Variants in CTNNA3 observed in about 807,000 individuals in gnomAD.
The protein encoded by CTNNA3 is catenin alpha 3.
In CTNNA3, 76 loss-of-function variants were observed where a neutral mutation model predicts 95.7. That is an observed-to-expected ratio of 0.79 (90% CI 0.66 to 0.96). The LOEUF (loss-of-function observed/expected upper bound fraction) is 0.96. CTNNA3 is among the 40% of genes least tolerant of loss of function. CTNNA3 has a pLI of 0.00. For synonymous variants in CTNNA3, 431 were observed against 374.4 expected (o/e 1.15, Z -1.74); for missense variants, 1,191 against 1,089.8 (o/e 1.09, Z -1.31).
At chr10:67,073,257 A>G (rs1026248005) in intron 7 of CTNNA3, among the ~76,000 whole-genome samples, 1 of 152,234 alleles carries the variant, frequency 6.6e-6, no homozygotes, top group Non-Finnish European at 1.5e-5. Context: ...ACATTTTAAT[A>G]GCTCTGATTA....
chr10:66,009,444 A>G (rs2078962785), intron 15 of CTNNA3, among the ~76,000 whole-genome samples: 2 of 152,216 alleles, frequency 1.3e-5, no homozygotes, highest in Admixed American at 6.5e-5. Context: ...CTTGTCTGGG[A>G]TATACACTAA....
intron 7 of CTNNA3, among the ~76,000 whole-genome samples, chr10:67,172,744 C>T (rs1378363793): frequency 6.6e-6 from 1 of 152,044 alleles, no homozygotes; most frequent in African/African-American, 2.4e-5. Context: ...GAGGCCGAGG[C>T]AGGCAGATCA....
intron 7 of CTNNA3, among the ~76,000 whole-genome samples, chr10:66,785,714 T>A (rs1233062101): frequency 6.6e-6 from 1 of 152,164 alleles, no homozygotes; most frequent in Non-Finnish European, 1.5e-5. Context: ...TCATGATACT[T>A]CCTCACCTTT....
In CTNNA3 at chr10:65,987,931, G is replaced by T. The variant is rs6480122; in HGVS notation, c.2265+761C>A. ...ACATTATGTTAAGTGAAATAAGTCA[G>T]GTACAGAAAGACAAGTACCACATAT... On this transcript the variant is annotated intron_variant, in intron 16 of 17. Transcript: ENST00000433211. Among the ~76,000 whole-genome samples the T allele has an allele frequency of 1.9e-4, 29 of 152,004 alleles. No homozygotes were observed. The East Asian group carries it at 4.1e-3, about 21-fold the overall frequency.
intron 11 of CTNNA3, among the ~76,000 whole-genome samples, chr10:66,415,163 G>C (rs981808486): frequency 1.3e-5 from 2 of 152,138 alleles, no homozygotes; most frequent in Non-Finnish European, 2.9e-5. Flanking sequence ...GCCAGTGCCT[G>C]TACATGCCAT....
intron 13 of CTNNA3, among the ~76,000 whole-genome samples, chr10:66,178,602 G>T (rs2085869789): frequency 6.6e-6 from 1 of 151,000 alleles, no homozygotes; most frequent in Non-Finnish European, 1.5e-5. Flanking sequence ...ACTCTGTGAA[G>T]AACTCTGTTA....
At chr10:67,115,091 G>C (rs569508285) in intron 7 of CTNNA3, among the ~76,000 whole-genome samples, 2 of 151,952 alleles carry the variant, frequency 1.3e-5, no homozygotes, top group Non-Finnish European at 2.9e-5. Context: ...AGCCACTTTG[G>C]TCCCTACACA....
intron 13 of CTNNA3, among the ~76,000 whole-genome samples, chr10:66,205,195 T>C (rs753096958): frequency 1.3e-5 from 2 of 152,104 alleles, no homozygotes; most frequent in Non-Finnish European, 2.9e-5. Context: ...TTAATTTCTA[T>C]AGTACAGTAA....
intron 4 of CTNNA3, among the ~76,000 whole-genome samples, chr10:67,525,249 A>G (rs1004113623): frequency 1.3e-5 from 2 of 152,108 alleles, no homozygotes; most frequent in African/African-American, 4.8e-5. Context: ...GACATACAAG[A>G]TAAGAATGGG....
At chr10:65,934,900 G>T (rs1389405576) in intron 17 of CTNNA3, among the ~76,000 whole-genome samples, 1 of 152,050 alleles carries the variant, frequency 6.6e-6, no homozygotes, top group Admixed American at 6.6e-5. Flanking sequence ...GCCTTTTAGA[G>T]AAAATACTGG....
chr10:67,384,878 C>CA (rs1000705080), intron 5 of CTNNA3, among the ~76,000 whole-genome samples: 1 of 152,108 alleles, frequency 6.6e-6, no homozygotes, highest in Admixed American at 6.5e-5. Context: ...AATTATTCCC[C>CA]TTTGCCTATT....
chr10:67,435,286 CA>C (rs1465250236), intron 5 of CTNNA3, among the ~76,000 whole-genome samples: 1 of 151,952 alleles, frequency 6.6e-6, no homozygotes, highest in African/African-American at 2.4e-5. Context: ...AACATCCATA[CA>C]TCCGCTTTCA....
chr10:66,630,528 G>T (rs1010960691), intron 9 of CTNNA3, among the ~76,000 whole-genome samples: 9 of 152,004 alleles, frequency 5.9e-5, no homozygotes. Flanking sequence ...ACTCTTAAAG[G>T]GCCCAAGCTG....
At chr10:66,878,069 G>A (rs1380814301) in intron 7 of CTNNA3, among the ~76,000 whole-genome samples, 1 of 152,080 alleles carries the variant, frequency 6.6e-6, no homozygotes, top group Non-Finnish European at 1.5e-5. Flanking sequence ...TCGGAAGTCA[G>A]GAAAGGAAAG....
chr10:67,009,671 T>C (rs181296908), intron 7 of CTNNA3, among the ~76,000 whole-genome samples: 49 of 152,278 alleles, frequency 3.2e-4, no homozygotes, highest in African/African-American at 1.1e-3. Flanking sequence ...TTATTATCTC[T>C]TTAGTCTCCT....
At chr10:67,538,724 T>A (rs548302360) in intron 4 of CTNNA3, among the ~76,000 whole-genome samples, 1 of 152,266 alleles carries the variant, frequency 6.6e-6, no homozygotes, top group East Asian at 1.9e-4. Flanking sequence ...TATATTAAAA[T>A]CACAGACACT....
intron 14 of CTNNA3, among the ~76,000 whole-genome samples, chr10:66,092,777 G>A (rs2081260536): frequency 6.6e-6 from 1 of 151,852 alleles, no homozygotes; most frequent in African/African-American, 2.4e-5. Context: ...AGAGGAGAGA[G>A]ATTTAGGCTT....
intron 3 of CTNNA3, among the ~76,000 whole-genome samples, chr10:67,592,466 T>G (rs573652443): frequency 6.6e-6 from 1 of 151,978 alleles, no homozygotes; most frequent in Non-Finnish European, 1.5e-5. Flanking sequence ...CGCCGAACTA[T>G]GGGAGCAAAA....
chr10:66,680,185 T>C (rs981996373), intron 9 of CTNNA3, among the ~76,000 whole-genome samples: 1 of 151,788 alleles, frequency 6.6e-6, no homozygotes, highest in Non-Finnish European at 1.5e-5. Context: ...TGTTTGTTTT[T>C]TGTTTTTTTG....
Sources: allele counts gnomAD v4.1 joint callset (sites outside exome capture counted in the v4.1 genomes callset), GRCh38; gene constraint gnomAD v4.1.1; transcripts MANE v1.5; gene names NCBI Gene and HGNC (gene_info 2026-07-23, HGNC 2026-07-21).